The following SUPT3H variants were observed in gnomAD, a reference collection of about 807,000 sequenced individuals.
The protein encoded by SUPT3H is SPT3 homolog, SAGA and STAGA complex component.
In SUPT3H, 44 loss-of-function variants were observed where a neutral mutation model predicts 44.3. The ratio of observed to expected loss-of-function variants is 0.99; its 90% CI spans 0.78 to 1.28. SUPT3H has a LOEUF of 1.28. Among genes scored for constraint, SUPT3H ranks in the 50% most tolerant of loss-of-function variants. The pLI, the probability that SUPT3H is intolerant of heterozygous loss-of-function variation, is 0.00. For synonymous variants in SUPT3H, 124 were observed against 125.6 expected (o/e 0.99, Z 0.09); for missense variants, 380 against 387.1 (o/e 0.98, Z 0.15).
chr6:44,828,353 CTT>C lies in SUPT3H; in HGVS notation c.*1461_*1462del, dbSNP rs969092164. 6.6e-6 allele frequency among the ~76,000 whole-genome samples: 1 copy of C among 152,014 alleles called. No homozygotes were observed. Among genetic ancestry groups the C allele is most frequent in the Non-Finnish European group, 1.5e-5 (1 of 67,960 alleles). ...TTTTGATATTATATATCTATCCGTG[CTT>C]TTTGTTTCTGAAATGCAAATTTTTT... On this transcript the variant is annotated 3_prime_UTR_variant, in exon 11 of 11. Coordinates refer to ENST00000371459, the MANE Select transcript of SUPT3H (RefSeq NM_003599.4).
chr6:45,247,390 C>T (rs1309259606), intron 2 of SUPT3H, among the ~76,000 whole-genome samples: 1 of 152,132 alleles, frequency 6.6e-6, no homozygotes, highest in Non-Finnish European at 1.5e-5. Context: ...CCCTGACATA[C>T]CAGCTTAATC....
chr6:45,292,612 C>A (rs1780486486), intron 2 of SUPT3H, among the ~76,000 whole-genome samples: 1 of 151,454 alleles, frequency 6.6e-6, no homozygotes, highest in Non-Finnish European at 1.5e-5. Context: ...TAAAGACTCA[C>A]ACAAACTTAA....
At chr6:44,954,008 G>T (rs537682319) in intron 8 of SUPT3H, among the ~76,000 whole-genome samples, 4 of 152,260 alleles carry the variant, frequency 2.6e-5, no homozygotes, top group African/African-American at 9.6e-5. Context: ...AAAGTGTTGG[G>T]ATTACAGGCA....
rs546492334 is a variant in SUPT3H, at chr6:45,142,221, C to T, written c.102-36215G>A. On this transcript the variant is annotated intron_variant, in intron 2 of 10. Coordinates refer to ENST00000371459, the MANE Select transcript of SUPT3H (RefSeq NM_003599.4). The stretch of plus-strand genomic sequence containing the variant: ...GCTGAGAGAATACATTACTACCAAG[C>T]CAGCACTACAAGAAATGCTAAAAGA... 7.2e-5 allele frequency among the ~76,000 whole-genome samples: 11 copies of T among 152,216 alleles called. No individual in the cohort carries two copies. The East Asian group carries it at 2.1e-3, about 29-fold the overall frequency.
intron 2 of SUPT3H, among the ~76,000 whole-genome samples, chr6:45,145,075 G>A (rs2153592313): frequency 6.6e-6 from 1 of 152,144 alleles, no homozygotes; most frequent in East Asian, 1.9e-4. Flanking sequence ...TTCATATTGT[G>A]AACATGAGCA....
intron 11 of SUPT3H, among the ~76,000 whole-genome samples, chr6:44,815,353 A>G (rs1446727468): frequency 6.6e-6 from 1 of 152,232 alleles, no homozygotes; most frequent in Non-Finnish European, 1.5e-5. Context: ...AAATGTAACC[A>G]TATCAATCAT....
intron 10 of SUPT3H, among the ~76,000 whole-genome samples, chr6:44,887,093 G>T (rs1415882489): frequency 2.6e-5 from 4 of 152,058 alleles, no homozygotes; most frequent in African/African-American, 2.4e-5. Flanking sequence ...ATGCACCCAA[G>T]ACAGGAGCAC....
chr6:44,959,252 G>A (rs1385719741), intron 7 of SUPT3H, among the ~76,000 whole-genome samples: 3 of 152,012 alleles, frequency 2.0e-5, no homozygotes, highest in Non-Finnish European at 4.4e-5. Flanking sequence ...GATAGCAACT[G>A]AAATAGTACA....
chr6:45,103,936 A>C (rs1337998275), intron 3 of SUPT3H, among the ~76,000 whole-genome samples: 1 of 152,156 alleles, frequency 6.6e-6, no homozygotes, highest in African/African-American at 2.4e-5. Context: ...TGACATATTC[A>C]AAGAGCCGAA....
In SUPT3H at chr6:45,095,785, TAAC is replaced by T. The variant is rs1044087814; in HGVS notation, c.186+10134_186+10136del. 3.1e-4 allele frequency among the ~76,000 whole-genome samples: 47 copies of T among 152,280 alleles called. No individual in the cohort carries two copies. The highest frequency in any genetic ancestry group is 1.1e-3 in the African/African-American group (45 of 41,582). ...CTTGAAAGAGATATTGACAACATCA[TAAC>T]AACAACTCAAACATAATTTGCAGTT... On this transcript the variant is annotated intron_variant, in intron 3 of 10. Coordinates refer to ENST00000371459, the MANE Select transcript of SUPT3H (RefSeq NM_003599.4). This position sits in a 1 kb window ranked among gnomAD's most constrained non-coding sequence, Gnocchi z 4.1.
At chr6:45,289,716 C>T (rs529287862) in intron 2 of SUPT3H, among the ~76,000 whole-genome samples, 1 of 152,230 alleles carries the variant, frequency 6.6e-6, no homozygotes, top group African/African-American at 2.4e-5. Flanking sequence ...AGAAAACATC[C>T]ATCAGTCATA....
chr6:44,974,326 T>C (rs1778018319), intron 6 of SUPT3H, among the ~76,000 whole-genome samples: 1 of 134,050 alleles, frequency 7.5e-6, no homozygotes, highest in South Asian at 2.3e-4. Flanking sequence ...ATTGTGTGTG[T>C]TTGTGTTTGT....
chr6:45,313,653 T>TTA (rs1032626400), intron 2 of SUPT3H, among the ~76,000 whole-genome samples: 1 of 22,506 alleles, frequency 4.4e-5, no homozygotes, highest in Non-Finnish European at 6.9e-5. Context: ...AATTTAAAAA[T>TTA]TATAAAAAAA....
intron 10 of SUPT3H, among the ~76,000 whole-genome samples, chr6:44,879,480 G>A (rs1220622956): frequency 6.6e-6 from 1 of 152,216 alleles, no homozygotes; most frequent in Non-Finnish European, 1.5e-5. Context: ...TCTAGGGGAA[G>A]GGGTGGATGT....
At chr6:44,886,347 A>T (rs963250529) in intron 10 of SUPT3H, among the ~76,000 whole-genome samples, 7 of 152,160 alleles carry the variant, frequency 4.6e-5, no homozygotes, top group Non-Finnish European at 7.4e-5. Flanking sequence ...GAAGGAAAAA[A>T]TGTTAAGGGC....
intron 3 of SUPT3H, among the ~76,000 whole-genome samples, chr6:45,028,827 A>G (rs1374937914): frequency 6.6e-6 from 1 of 151,378 alleles, no homozygotes; most frequent in African/African-American, 2.4e-5. Context: ...CATTGCATAG[A>G]AAAGTCTAAC....
intron 2 of SUPT3H, among the ~76,000 whole-genome samples, chr6:45,170,080 T>C (rs1249929542): frequency 6.6e-6 from 1 of 152,182 alleles, no homozygotes; most frequent in Non-Finnish European, 1.5e-5. Context: ...AGTTAATAGT[T>C]GCCTCACTTT....
intron 2 of SUPT3H, among the ~76,000 whole-genome samples, chr6:45,162,666 C>T (rs986672809): frequency 4.6e-5 from 7 of 152,092 alleles, no homozygotes; most frequent in African/African-American, 9.7e-5. Flanking sequence ...GTGTTTACAA[C>T]GCTATGAGAT....
intron 3 of SUPT3H, among the ~76,000 whole-genome samples, chr6:45,023,319 A>G (rs1785450971): frequency 6.6e-6 from 1 of 152,118 alleles, no homozygotes; most frequent in South Asian, 2.1e-4. Context: ...GAACACTTAT[A>G]CACTGTTAAT....
Sources: allele counts gnomAD v4.1 joint callset (sites outside exome capture counted in the v4.1 genomes callset), GRCh38; gene constraint gnomAD v4.1.1; non-coding constraint Gnocchi (gnomAD v3.1); transcripts MANE v1.5; gene names NCBI Gene and HGNC (gene_info 2026-07-23, HGNC 2026-07-21).